SPTBN1: variants seen among roughly 807,000 people sequenced by gnomAD.
The protein encoded by SPTBN1 is spectrin beta chain, non-erythrocytic 1.
In SPTBN1, 32 loss-of-function variants were observed where a neutral mutation model predicts 266.4. That is an observed-to-expected ratio of 0.12 (90% confidence interval 0.09 to 0.16). SPTBN1 has a LOEUF of 0.16. SPTBN1 is among the 10% of genes least tolerant of loss of function. The pLI, the probability that SPTBN1 is intolerant of heterozygous loss-of-function variation, is 1.00. For missense variants in SPTBN1, 2,296 were observed against 3,067.1 expected (o/e 0.75, Z 5.94); for synonymous variants, 1,336 against 1,162.2 (o/e 1.15, Z -3.04).
chr2:54,477,861 A>G (rs2103910673), intron 1 of SPTBN1, among the ~76,000 whole-genome samples: 1 of 152,192 alleles, frequency 6.6e-6, no homozygotes, highest in African/African-American at 2.4e-5. Flanking sequence ...CAGTGAGCCA[A>G]GATCATGCCG....
At chr2:54,457,081 A>C (rs1218636907) in intron 1 of SPTBN1, among the ~76,000 whole-genome samples, 1 of 150,066 alleles carries the variant, frequency 6.7e-6, no homozygotes, top group Non-Finnish European at 1.5e-5. Flanking sequence ...GCCGCGCTGC[A>C]GCTGAGCCGG....
chr2:54,492,445 A>G (rs1002579756), intron 1 of SPTBN1, among the ~76,000 whole-genome samples: 3 of 151,190 alleles, frequency 2.0e-5, no homozygotes, highest in African/African-American at 7.3e-5. Flanking sequence ...AGATCCCTGA[A>G]AGTGGATTTG....
chr2:54,511,545 A>G (rs1669858624), intron 1 of SPTBN1, among the ~76,000 whole-genome samples: 1 of 152,086 alleles, frequency 6.6e-6, no homozygotes, highest in South Asian at 2.1e-4. Flanking sequence ...TGTGCACTTT[A>G]TTATTATTAC....
chr2:54,631,264 G>A lies in SPTBN1; in HGVS notation c.3217G>A (p.Asp1073Asn), dbSNP rs1378211994. 1.9e-6 allele frequency: 3 copies of A among 1,614,176 alleles called. No individual in the cohort carries two copies. Among genetic ancestry groups the A allele is most frequent in the Non-Finnish European group, 2.5e-6 (3 of 1,180,004 alleles). The change falls in exon 16 of 36, where the codon GAC becomes AAC. Residue 1073 changes from aspartate to asparagine, a missense_variant. Physicochemically the swap from Asp to Asn is conservative, Grantham distance 23. This residue lies in a region of SPTBN1 where 18 missense variants were observed against 50.3 expected (regional missense o/e 0.36). Transcript: ENST00000356805. ...GCAGCAGTTCCTACGGGACTTGGAC[G>A]ACTTCCAGTCCTGGCTCTCTAGGAC... Reference protein sequence around the residue: ...KLQQFLRDLDDFQSWLSRTQT... With the variant: ...KLQQFLRDLDNFQSWLSRTQT...
chr2:54,631,552 C>T lies in SPTBN1; in HGVS notation c.3505C>T (p.His1169Tyr), dbSNP rs2103942332. ...ENRQNLLSQS[H>Y]AYQQFLRDTK... Reference sequence around the variant, plus strand: ...CAGACAAAATCTCCTATCCCAGTCACATGCCTACCAGCAGTTCCTCAGAGA... The same window carrying T: ...CAGACAAAATCTCCTATCCCAGTCATATGCCTACCAGCAGTTCCTCAGAGA... The change falls in exon 16 of 36, where the codon CAT becomes TAT. Residue 1169 changes from histidine to tyrosine, a missense_variant. Around this residue, in one of 12 missense-constraint regions of SPTBN1, gnomAD observed 386 missense variants for 486.1 expected, o/e 0.79. Coordinates refer to ENST00000356805, the MANE Select transcript of SPTBN1 (RefSeq NM_003128.3). 1 of 1,614,170 alleles carries T rather than the reference C, an allele frequency of 6.2e-7. No individual in the cohort carries two copies. Among genetic ancestry groups the T allele is most frequent in the East Asian group, 2.2e-5 (1 of 44,878 alleles).
intron 3 of SPTBN1, among the ~76,000 whole-genome samples, chr2:54,603,440 G>A (rs1241742643): frequency 6.6e-6 from 1 of 152,200 alleles, no homozygotes; most frequent in Non-Finnish European, 1.5e-5. Flanking sequence ...GGCAACCTCT[G>A]CTTTACAGAA....
At chr2:54,634,042 A>C (rs1572720041) in intron 17 of SPTBN1, among the ~76,000 whole-genome samples, 1 of 152,372 alleles carries the variant, frequency 6.6e-6, no homozygotes, top group African/African-American at 2.4e-5. Flanking sequence ...GCAATTGGGC[A>C]AAGCATTCAT....
In SPTBN1 at chr2:54,655,153, C is replaced by A; in HGVS notation, c.5906C>A (p.Thr1969Asn). The A allele has an allele frequency of 6.2e-7, 1 of 1,614,176 alleles. No homozygotes were observed. Among genetic ancestry groups the A allele is most frequent in the Non-Finnish European group, 8.5e-7 (1 of 1,180,020 alleles). ...EIDARNDSFT[T>N]CIELGKSLLA... ...GATGCACGTAATGACAGTTTCACAACCTGCATTGAACTTGGGAAATCCCTG... is the reference window on the plus strand; with the variant it reads ...GATGCACGTAATGACAGTTTCACAAACTGCATTGAACTTGGGAAATCCCTG... The change falls in exon 28 of 36, where the codon ACC (threonine) becomes AAC (asparagine). Residue 1969 changes from threonine to asparagine, a missense_variant. Coordinates refer to ENST00000356805, the MANE Select transcript of SPTBN1 (RefSeq NM_003128.3).
Position 54,642,971 on chromosome 2 carries a change from A to G in SPTBN1, c.3859-12A>G. The G allele has an allele frequency of 6.2e-7, 1 of 1,609,736 alleles. No homozygotes were observed. Among genetic ancestry groups the G allele is most frequent in the African/African-American group, 1.3e-5 (1 of 74,890 alleles). On this transcript the variant is annotated splice_polypyrimidine_tract_variant and intron_variant, in intron 18 of 35. Coordinates refer to ENST00000356805, the MANE Select transcript of SPTBN1 (RefSeq NM_003128.3). ...GGATCACAATCTCTGAATCCTTCTG[A>G]TCTTTCTGTAGCTGTCTCTCTGGAT...
chr2:54,529,732 G>A, intron 2 of SPTBN1: 1 of 699,162 alleles, frequency 1.4e-6, no homozygotes, highest in Non-Finnish European at 2.6e-6. Context: ...CCCTGATGGA[G>A]AGATGAAGGC....
chr2:54,502,633 A>G (rs1300877108), intron 1 of SPTBN1, among the ~76,000 whole-genome samples: 1 of 152,202 alleles, frequency 6.6e-6, no homozygotes, highest in African/African-American at 2.4e-5. Flanking sequence ...AGTCAGACAG[A>G]GATGTGTTCA....
rs146408919 is a variant in SPTBN1, at chr2:54,649,653, C to T, written c.5241C>T (p.Thr1747=). The part of the protein sequence containing the change: ...QERFREFARD[T]GNIGQERVDT... ...GATTCCGGGAGTTTGCCCGAGACAC[C>T]GGGAACATTGGGCAGGAGCGCGTGG... Residue 1747 remains threonine (T), a synonymous_variant, in exon 26 of 36, where the codon ACC becomes ACT. Transcript: ENST00000356805. This position sits in a 1 kb window ranked among gnomAD's most constrained non-coding sequence, Gnocchi z 6.7. The T allele has an allele frequency of 2.3e-3, 3,648 of 1,611,632 alleles. 100 individuals carry two copies. The South Asian group carries it at 0.036, about 16-fold the overall frequency.
At chr2:54,508,676 C>G (rs1382707610) in intron 1 of SPTBN1, among the ~76,000 whole-genome samples, 1 of 151,976 alleles carries the variant, frequency 6.6e-6, no homozygotes, top group Non-Finnish European at 1.5e-5. Context: ...GAAGTTTCAG[C>G]GAGGGAGTAG....
chr2:54,481,059 G>A (rs1287938579), intron 1 of SPTBN1, among the ~76,000 whole-genome samples: 1 of 152,090 alleles, frequency 6.6e-6, no homozygotes, highest in East Asian at 1.9e-4. Context: ...TGTGGTCTTA[G>A]CTACTTGGGA....
intron 3 of SPTBN1, among the ~76,000 whole-genome samples, chr2:54,599,754 G>A (rs1018927557): frequency 2.6e-5 from 4 of 152,148 alleles, no homozygotes; most frequent in Non-Finnish European, 5.9e-5. Flanking sequence ...CATCTCCTTG[G>A]GAAAGGAGCT....
At chr2:54,587,644 A>G (rs1275801115) in intron 2 of SPTBN1, among the ~76,000 whole-genome samples, 1 of 152,134 alleles carries the variant, frequency 6.6e-6, no homozygotes, top group East Asian at 1.9e-4. Context: ...AGAGCTGAAG[A>G]GCCTTCAGCT....
chr2:54,506,711 C>A (rs1250580012), intron 1 of SPTBN1, among the ~76,000 whole-genome samples: 2 of 152,110 alleles, frequency 1.3e-5, no homozygotes, highest in African/African-American at 4.8e-5. Flanking sequence ...GTACAGTATA[C>A]TTTCAGGCAA....
chr2:54,530,213 A>T (rs1671133122), intron 2 of SPTBN1, among the ~76,000 whole-genome samples: 1 of 152,096 alleles, frequency 6.6e-6, no homozygotes, highest in African/African-American at 2.4e-5. Context: ...TGATAGTGGA[A>T]CCACCACCTG....
Position 54,643,029 on chromosome 2 carries a change from C to G in SPTBN1, c.3905C>G (p.Ser1302Cys). The G allele has an allele frequency of 6.2e-7, 1 of 1,614,040 alleles. No individual in the cohort carries two copies. The highest frequency in any genetic ancestry group is 8.5e-7 in the Non-Finnish European group (1 of 1,179,930). Residue 1302 changes from serine to cysteine, a missense_variant, in exon 19 of 36, where the codon TCT becomes TGT. Around this residue, in one of 12 missense-constraint regions of SPTBN1, gnomAD observed 386 missense variants for 486.1 expected, o/e 0.79. Transcript: ENST00000356805. ...NEKMLTAQDM[S>C]YDEARNLHSK... ...AAGATGCTCACAGCCCAGGACATGT[C>G]TTACGATGAAGCCAGAAATCTGCAC...
Sources: allele counts gnomAD v4.1 joint callset (sites outside exome capture counted in the v4.1 genomes callset), GRCh38; gene constraint gnomAD v4.1.1; regional missense constraint gnomAD v4.1.1; non-coding constraint Gnocchi (gnomAD v3.1); transcripts MANE v1.5; gene names NCBI Gene and HGNC (gene_info 2026-07-23, HGNC 2026-07-21).